The following KITLG variants were observed in gnomAD, a reference collection of about 807,000 sequenced individuals.
KITLG encodes c-Kit ligand.
In KITLG, 13 loss-of-function variants were observed where a neutral mutation model predicts 34.1. The ratio of observed to expected loss-of-function variants is 0.38; its 90% CI spans 0.25 to 0.61. The LOEUF (loss-of-function observed/expected upper bound fraction) is 0.61. Ranked by LOEUF, KITLG falls within the 20% of genes least tolerant of loss-of-function variation. The pLI is 0.60. For synonymous variants in KITLG, 110 were observed against 104.0 expected, an observed-to-expected ratio of 1.06 and a Z score of -0.35; for missense variants, 292 against 318.9, an observed-to-expected ratio of 0.92 and a Z score of 0.64.
chr12:88,512,879 A>G (rs1869327077), intron 6 of KITLG, among the ~76,000 whole-genome samples: 1 of 151,904 alleles, frequency 6.6e-6, no homozygotes, highest in Non-Finnish European at 1.5e-5. Flanking sequence ...GATCTGTATT[A>G]TAAGAGATGC....
At chr12:88,571,338 T>C (rs1387783583) in intron 1 of KITLG, among the ~76,000 whole-genome samples, 2 of 152,184 alleles carry the variant, frequency 1.3e-5, no homozygotes, top group South Asian at 2.1e-4. Flanking sequence ...ATTTTAAATA[T>C]TGAGAAAGTG....
At chr12:88,542,890 C>T (rs1019228380) in intron 2 of KITLG, among the ~76,000 whole-genome samples, 7 of 152,112 alleles carry the variant, frequency 4.6e-5, no homozygotes, top group African/African-American at 1.7e-4. Context: ...ATTAATCTGG[C>T]ATCCTTATAA....
At chr12:88,528,911 T>C (rs1487036276) in intron 3 of KITLG, among the ~76,000 whole-genome samples, 1 of 152,104 alleles carries the variant, frequency 6.6e-6, no homozygotes, top group Non-Finnish European at 1.5e-5. Context: ...AAGTAAAAAT[T>C]GAAAAACGAA....
intron 1 of KITLG, among the ~76,000 whole-genome samples, chr12:88,568,023 T>C (rs1342516380): frequency 6.6e-6 from 1 of 152,196 alleles, no homozygotes; most frequent in Non-Finnish European, 1.5e-5. Context: ...ATATTTTTTA[T>C]TGCTCAAGTC....
chr12:88,535,773 C>G (rs1592572336), intron 2 of KITLG, among the ~76,000 whole-genome samples: 1 of 152,238 alleles, frequency 6.6e-6, no homozygotes, highest in Non-Finnish European at 1.5e-5. Context: ...TCATCTTTGA[C>G]AGAGTCAACA....
At chr12:88,530,215 A>T (rs1312716779) in intron 3 of KITLG, among the ~76,000 whole-genome samples, 1 of 152,124 alleles carries the variant, frequency 6.6e-6, no homozygotes, top group Non-Finnish European at 1.5e-5. Flanking sequence ...GCTTCCCTTC[A>T]AACACTTTCC....
chr12:88,493,587 T>C lies in KITLG; in HGVS notation c.*3632A>G, dbSNP rs572443831. The stretch of plus-strand genomic sequence containing the variant: ...AAGCTGGTTTACTTTAGATTTCTTA[T>C]CCCACTTTCCAATTTTAAAGTGTAA... On this transcript the variant is annotated 3_prime_UTR_variant, in exon 10 of 10. Transcript: ENST00000644744. 4 of 152,082 alleles carry C rather than the reference T, an allele frequency of 2.6e-5. No individual in the cohort carries two copies. The highest frequency in any genetic ancestry group is 2.6e-4 in the Admixed American group (4 of 15,234). The allele number at this position is 152,082 out of a possible 1,614,324, so 9.4% of individuals were successfully genotyped here.
chr12:88,516,867 A>G (rs1869479292), intron 4 of KITLG, among the ~76,000 whole-genome samples: 3 of 151,424 alleles, frequency 2.0e-5, no homozygotes, highest in Admixed American at 1.3e-4. Context: ...CCACACCATA[A>G]TGCATGCTCT....
chr12:88,544,801 A>T (rs1870655865), intron 2 of KITLG, among the ~76,000 whole-genome samples: 1 of 152,154 alleles, frequency 6.6e-6, no homozygotes, highest in South Asian at 2.1e-4. Flanking sequence ...AACCCAAAAT[A>T]AGACATATAC....
At position 88,527,452 on chromosome 12, in the gene KITLG, G is replaced by A. The variant is rs144680875; in HGVS notation, c.192+4989C>T. Among the ~76,000 whole-genome samples the A allele has an allele frequency of 1.6e-3, 243 of 152,294 alleles. 2 individuals carry two copies. Among genetic ancestry groups the A allele is most frequent in the African/African-American group, 5.3e-3 (219 of 41,576 alleles). On this transcript the variant is annotated intron_variant, in intron 3 of 9. Coordinates refer to ENST00000644744, the MANE Select transcript of KITLG (RefSeq NM_000899.5). The stretch of plus-strand genomic sequence containing the variant: ...CATACCTGAGGAAGGGTACTGAAGA[G>A]GGAAGAAGTTTGGAAGGCTTATTGT...
At chr12:88,514,705 A>G (rs1566020708) in intron 6 of KITLG, among the ~76,000 whole-genome samples, 2 of 151,536 alleles carry the variant, frequency 1.3e-5, no homozygotes, top group South Asian at 4.1e-4. Flanking sequence ...TGTATTTTAG[A>G]GTTTTTTTAA....
chr12:88,573,250 G>A (rs779952808), intron 1 of KITLG, among the ~76,000 whole-genome samples: 1 of 152,112 alleles, frequency 6.6e-6, no homozygotes, highest in African/African-American at 2.4e-5. Flanking sequence ...AACACATCCA[G>A]GAGGGTGACA....
intron 1 of KITLG, among the ~76,000 whole-genome samples, chr12:88,553,241 A>G (rs754449628): frequency 1.2e-4 from 19 of 152,204 alleles, no homozygotes; most frequent in Non-Finnish European, 2.8e-4. Flanking sequence ...ACATGTTCCA[A>G]TATATCAACA....
At chr12:88,570,799 T>C (rs762717746) in intron 1 of KITLG, among the ~76,000 whole-genome samples, 2 of 152,248 alleles carry the variant, frequency 1.3e-5, no homozygotes, top group African/African-American at 2.4e-5. Flanking sequence ...TACAACATTT[T>C]GCTACAATCG....
chr12:88,522,491 G>C (rs1869710498), intron 3 of KITLG, among the ~76,000 whole-genome samples: 1 of 147,618 alleles, frequency 6.8e-6, no homozygotes, highest in South Asian at 2.2e-4. Flanking sequence ...GCAATGGCGT[G>C]GTCTCAGCTC....
At chr12:88,543,867 T>G (rs1870610063) in intron 2 of KITLG, among the ~76,000 whole-genome samples, 2 of 152,202 alleles carry the variant, frequency 1.3e-5, no homozygotes, top group African/African-American at 4.8e-5. Flanking sequence ...TTTATCTTCC[T>G]TATAGAAAGC....
At position 88,494,386 on chromosome 12, in the gene KITLG, C is replaced by T. The variant is rs1868530200; in HGVS notation, c.*2833G>A. 1 of 152,154 alleles carries T rather than the reference C, an allele frequency of 6.6e-6. No homozygotes were observed. The highest frequency in any genetic ancestry group is 2.1e-4 in the South Asian group (1 of 4,812). The allele number at this position is 152,154 out of a possible 1,614,324, so 9.4% of individuals were successfully genotyped here. A position where few individuals can be genotyped will look rare whatever the true frequency, so the allele number is the denominator to read the frequency against. On this transcript the variant is annotated 3_prime_UTR_variant, in exon 10 of 10. Coordinates refer to ENST00000644744, the MANE Select transcript of KITLG (RefSeq NM_000899.5). ...TGAATTAGAGTAGGAAAACGTGCCC[C>T]AAAGTTTCTCCAAAGTACTTTAAAG...
At chr12:88,549,990 T>A (rs2407203) in intron 1 of KITLG, among the ~76,000 whole-genome samples, 2 of 151,468 alleles carry the variant, frequency 1.3e-5, no homozygotes, top group Non-Finnish European at 2.9e-5. Context: ...CCGAGTAAGA[T>A]AAGGACTGAT....
chr12:88,553,569 C>G (rs907101962), intron 1 of KITLG, among the ~76,000 whole-genome samples: 3 of 152,086 alleles, frequency 2.0e-5, no homozygotes, highest in Admixed American at 6.6e-5. Flanking sequence ...TCTGGATAGT[C>G]TTTCATTGTA....
Sources: gnomAD v4.1 joint callset for allele counts (sites outside exome capture counted in the v4.1 genomes callset) on GRCh38, gnomAD v4.1.1 for gene constraint, MANE v1.5 for transcripts, NCBI Gene and HGNC (gene_info 2026-07-23, HGNC 2026-07-21) for gene names.